The following VPS39 variants were observed in gnomAD, a reference collection of about 807,000 sequenced individuals.
VPS39 encodes the protein vam6/Vps39-like protein.
Under a neutral mutation model 121.0 loss-of-function variants are expected in VPS39, and 70 were observed. That is an observed-to-expected ratio of 0.58 (90% CI 0.48 to 0.71). VPS39 has a LOEUF of 0.71. VPS39 is among the 30% of genes least tolerant of loss of function. VPS39 has a pLI of 0.00. For missense variants in VPS39, 818 were observed against 1,051.5 expected, an observed-to-expected ratio of 0.78 and a Z score of 3.07; for synonymous variants, 378 against 398.1, an observed-to-expected ratio of 0.95 and a Z score of 0.60.
At chr15:42,162,723 C>T (rs527265979) in intron 21 of VPS39, 9 of 402,084 alleles carry the variant, frequency 2.2e-5, no homozygotes, top group African/African-American at 1.6e-4. Context: ...ACCATTATGC[C>T]ATTTACAAAA....
intron 1 of VPS39, among the ~76,000 whole-genome samples, chr15:42,203,403 G>A (rs2050105973): frequency 1.3e-5 from 2 of 152,112 alleles, no homozygotes; most frequent in South Asian, 4.2e-4. Context: ...GAACCCCGGA[G>A]GGAGAGGCTG....
Position 42,161,746 on chromosome 15 carries a change from G to A in VPS39, c.2488C>T (p.Gln830Ter). The A allele has an allele frequency of 6.2e-7, 1 of 1,614,130 alleles. No individual in the cohort carries two copies. Among genetic ancestry groups the A allele is most frequent in the Non-Finnish European group, 8.5e-7 (1 of 1,180,036 alleles). ...TCCTCTGTGATGATGCACTTCACCT[G>A]CTGGTGTAAAATCCGCTCTTCCTGG... is the stretch of plus-strand genomic sequence containing the variant. ...RVQEERILHQ[Q>*]VKCIITEEKV... Residue 830 changes from glutamine to a stop codon, truncating the protein, a stop_gained, in exon 24 of 25, where the codon CAG (glutamine) becomes TAG (stop). Coordinates refer to ENST00000318006, the MANE Select transcript of VPS39 (RefSeq NM_015289.5). LOFTEE classifies it high-confidence loss of function.
At position 42,169,792 on chromosome 15, in the gene VPS39, G is replaced by C. The variant is rs1271732825; in HGVS notation, c.1165C>G (p.Pro389Ala). The C allele has an allele frequency of 3.1e-6, 5 of 1,614,120 alleles. No homozygotes were observed. The highest frequency in any genetic ancestry group is 4.2e-6 in the Non-Finnish European group (5 of 1,180,024). Residue 389 changes from proline (P) to alanine (A), a missense_variant, in exon 12 of 25, where the codon CCA (proline) becomes GCA (alanine). Coordinates refer to ENST00000318006, the MANE Select transcript of VPS39 (RefSeq NM_015289.5). ...DYRKQLQYPN[P>A]LPVLSGAELE... Reference sequence around the variant, plus strand: ...TCAGCCCCGGAGAGCACAGGCAATGGGTTGGGATACTGCAACTGCTTTCTG... The same window carrying C: ...TCAGCCCCGGAGAGCACAGGCAATGCGTTGGGATACTGCAACTGCTTTCTG...
chr15:42,179,412 A>C (rs940184925), intron 8 of VPS39, among the ~76,000 whole-genome samples: 5 of 151,080 alleles, frequency 3.3e-5, no homozygotes, highest in African/African-American at 1.2e-4. Flanking sequence ...TACTAAAAAA[A>C]AAAAATACAA....
chr15:42,184,148 T>C (rs148069913), intron 8 of VPS39: 192 of 155,624 alleles, frequency 1.2e-3, no homozygotes, highest in Non-Finnish European at 2.1e-3. Flanking sequence ...ACTCATACTA[T>C]AGGAATACAC....
intron 10 of VPS39, among the ~76,000 whole-genome samples, chr15:42,178,002 T>C (rs2049491630): frequency 1.3e-5 from 2 of 152,196 alleles, no homozygotes. Flanking sequence ...ATTACTAGAA[T>C]TGATATTCAT....
At chr15:42,204,710 T>C (rs2050135163) in intron 1 of VPS39, among the ~76,000 whole-genome samples, 2 of 152,294 alleles carry the variant, frequency 1.3e-5, no homozygotes, top group South Asian at 4.1e-4. Flanking sequence ...TATTTGTTTT[T>C]ATGAAACATT....
intron 2 of VPS39, among the ~76,000 whole-genome samples, chr15:42,196,421 A>C (rs998431597): frequency 6.6e-6 from 1 of 152,276 alleles, no homozygotes; most frequent in Non-Finnish European, 1.5e-5. Flanking sequence ...CAATCTACTC[A>C]TCTGACAAAG....
chr15:42,162,312 C>T lies in VPS39; in HGVS notation c.2325+20G>A, dbSNP rs1336389501. On this transcript the variant is annotated intron_variant, in intron 22 of 24. Transcript: ENST00000318006. ...TGCTCCCTGCAAACACCCTCCATCTCCCTAGGAACAACTCCTGACCTTGGT... is the reference window on the plus strand; with the variant it reads ...TGCTCCCTGCAAACACCCTCCATCTTCCTAGGAACAACTCCTGACCTTGGT... 1.9e-6 allele frequency: 3 copies of T among 1,602,904 alleles called. No individual in the cohort carries two copies. The highest frequency in any genetic ancestry group is 2.6e-6 in the Non-Finnish European group (3 of 1,172,752).
chr15:42,196,081 T>C (rs2049930784), intron 2 of VPS39, among the ~76,000 whole-genome samples: 3 of 152,226 alleles, frequency 2.0e-5, no homozygotes, highest in South Asian at 4.1e-4. Flanking sequence ...AAGGATTCCC[T>C]ATTTAATAAA....
intron 10 of VPS39, among the ~76,000 whole-genome samples, chr15:42,177,183 A>C (rs910186504): frequency 9.2e-5 from 14 of 151,472 alleles, no homozygotes; most frequent in African/African-American, 1.7e-4. Context: ...AAAAAAAAAA[A>C]AAAAAACCTC....
intron 21 of VPS39, among the ~76,000 whole-genome samples, chr15:42,162,996 A>G (rs1335771227): frequency 6.6e-6 from 1 of 152,194 alleles, no homozygotes; most frequent in Non-Finnish European, 1.5e-5. Context: ...CTCAGTCACA[A>G]CAATCAAAAA....
intron 1 of VPS39, among the ~76,000 whole-genome samples, chr15:42,204,248 T>TGCATTAGAATCACCTGGACTTATTA (rs2050123207): frequency 6.6e-6 from 1 of 152,254 alleles, no homozygotes; most frequent in Non-Finnish European, 1.5e-5. Flanking sequence ...CCCAATTAGC[T>TGCATTAGAATCACCTGGACTTATTA]GCATTAGAAT....
intron 21 of VPS39, 115 bp downstream of exon 21, chr15:42,163,217 ACACACATGCAAGATCAAT>A: frequency 9.2e-7 from 1 of 1,082,372 alleles, no homozygotes; most frequent in South Asian, 1.4e-5. Context: ...GTCCCTCAAT[ACACACATGCAAGATCAAT>A]CAGAGCCCTG....
intron 1 of VPS39, among the ~76,000 whole-genome samples, chr15:42,207,654 T>A (rs948837498): frequency 2.0e-5 from 3 of 152,212 alleles, no homozygotes; most frequent in East Asian, 1.9e-4. Context: ...ACTTGTTCAA[T>A]GCCCCCAAAA....
chr15:42,194,488 GAAAA>G (rs2049893696), intron 2 of VPS39, among the ~76,000 whole-genome samples: 1 of 151,896 alleles, frequency 6.6e-6, no homozygotes, highest in Non-Finnish European at 1.5e-5. Context: ...AAAAAGAAAA[GAAAA>G]AATAAATAAA....
rs745526169 is a variant in VPS39 at position 42,162,400 on chromosome 15, G to A, written c.2257C>T (p.Pro753Ser). Residue 753 changes from proline to serine, a missense_variant, in exon 22 of 25, where the codon CCA becomes TCA. Physicochemically the swap from Pro to Ser is moderately conservative, Grantham distance 74. Coordinates refer to ENST00000318006, the MANE Select transcript of VPS39 (RefSeq NM_015289.5). ...AGAGCGGCCTGGAGGTTGGCTTTTG[G>A]CTCCAGTAGTTCCAGCTTGATTGGC... ...LGPIKLELLEPKANLQAALQV... is the reference protein window; with the variant it reads ...LGPIKLELLESKANLQAALQV... 1 of 1,613,810 alleles carries A rather than the reference G, an allele frequency of 6.2e-7. No individual in the cohort carries two copies. The highest frequency in any genetic ancestry group is 8.5e-7 in the Non-Finnish European group (1 of 1,179,924).
intron 23 of VPS39, 114 bp downstream of exon 23, chr15:42,161,918 G>C (rs989335784): frequency 1.9e-6 from 3 of 1,586,996 alleles, no homozygotes; most frequent in Middle Eastern, 3.4e-4. Flanking sequence ...CTGGCTACTG[G>C]ATCAGCTTGA....
intron 11 of VPS39, among the ~76,000 whole-genome samples, chr15:42,171,607 C>A (rs2049348889): frequency 6.6e-6 from 1 of 152,216 alleles, no homozygotes; most frequent in African/African-American, 2.4e-5. Context: ...ATACATGCCA[C>A]AATATTTATC....
Sources: allele counts gnomAD v4.1 joint callset (sites outside exome capture counted in the v4.1 genomes callset), GRCh38; gene constraint gnomAD v4.1.1; transcripts MANE v1.5; gene names NCBI Gene and HGNC (gene_info 2026-07-23, HGNC 2026-07-21).